Variants in GRID2 observed in about 807,000 individuals in gnomAD.
The protein encoded by GRID2 is glutamate receptor ionotropic, delta-2.
GRID2 carries 33 observed loss-of-function variants against 114.8 expected under a neutral mutation model. The ratio of observed to expected loss-of-function variants is 0.29; its 90% CI spans 0.22 to 0.38. The LOEUF (loss-of-function observed/expected upper bound fraction) is 0.38, where lower values mean the gene tolerates loss of function less well. Ranked by LOEUF, GRID2 falls within the 10% of genes least tolerant of loss-of-function variation. The pLI is 1.00. For missense variants in GRID2, 1,184 were observed against 1,257.7 expected, an observed-to-expected ratio of 0.94 and a Z score of 0.89; for synonymous variants, 505 against 449.9, an observed-to-expected ratio of 1.12 and a Z score of -1.55.
chr4:92,521,559 A>C (rs1724780287), intron 1 of GRID2, among the ~76,000 whole-genome samples: 1 of 151,996 alleles, frequency 6.6e-6, no homozygotes, highest in Admixed American at 6.6e-5. Flanking sequence ...TTATTCACAG[A>C]GAATCATTTA....
Position 93,384,143 on chromosome 4 carries a change from G to A in GRID2, c.1246-11464G>A, listed in dbSNP as rs1437847034. 3.3e-5 allele frequency among the ~76,000 whole-genome samples: 5 copies of A among 152,146 alleles called. No homozygotes were observed. In the East Asian group the frequency reaches 9.7e-4, roughly 29 times the overall value. On this transcript the variant is annotated intron_variant, in intron 8 of 15. Transcript: ENST00000282020. ...AACAGTATCCTCACATGGCCAAAGG[G>A]GAAGGCAACTTCCTTCAGTTCATTT...
chr4:92,662,946 G>A (rs1732590820), intron 2 of GRID2, among the ~76,000 whole-genome samples: 1 of 150,984 alleles, frequency 6.6e-6, no homozygotes. Context: ...TCAAAACTAA[G>A]AAGTTACTTG....
In GRID2 at chr4:93,137,977, T is replaced by G. The variant is rs959971060; in HGVS notation, c.735+27024T>G. Reference sequence around the variant, plus strand: ...AGAATTTTTTCTTCGTTTTTTTTTTTTTTTTTTTTTTTTGAGATAGGGCCT... The same window carrying G: ...AGAATTTTTTCTTCGTTTTTTTTTTGTTTTTTTTTTTTTGAGATAGGGCCT... On this transcript the variant is annotated intron_variant, in intron 4 of 15. Coordinates refer to ENST00000282020, the MANE Select transcript of GRID2 (RefSeq NM_001510.4). Among the ~76,000 whole-genome samples, 11 of 141,474 alleles carry G rather than the reference T, an allele frequency of 7.8e-5. No homozygotes were observed. The East Asian group carries it at 1.2e-3, about 16-fold the overall frequency. The allele number at this position is 141,474 out of a possible 152,430, so 92.8% of individuals were successfully genotyped here.
chr4:92,715,990 T>C (rs1411603601), intron 2 of GRID2, among the ~76,000 whole-genome samples: 1 of 152,256 alleles, frequency 6.6e-6, no homozygotes, highest in Non-Finnish European at 1.5e-5. Context: ...TGAGATGTTT[T>C]CTGTCATTAG....
chr4:93,507,320 A>C (rs1728730909), intron 12 of GRID2, among the ~76,000 whole-genome samples: 1 of 152,228 alleles, frequency 6.6e-6, no homozygotes, highest in Non-Finnish European at 1.5e-5. Flanking sequence ...GTAAGATAGG[A>C]ATGTGACTTC....
chr4:93,317,912 G>A (rs914071631), intron 8 of GRID2, among the ~76,000 whole-genome samples: 1 of 146,614 alleles, frequency 6.8e-6, no homozygotes, highest in African/African-American at 2.5e-5. Flanking sequence ...TTAAACAATT[G>A]GAAGAATGGG....
intron 2 of GRID2, among the ~76,000 whole-genome samples, chr4:93,034,269 C>T (rs748498565): frequency 7.9e-5 from 12 of 152,140 alleles, no homozygotes; most frequent in Non-Finnish European, 1.6e-4. Context: ...CAGTGGTTCT[C>T]AAATAATAGA....
At chr4:93,160,251 A>T (rs1214354940) in intron 4 of GRID2, among the ~76,000 whole-genome samples, 1 of 151,856 alleles carries the variant, frequency 6.6e-6, no homozygotes, top group Admixed American at 6.6e-5. Flanking sequence ...TTAATTCCAT[A>T]AAGCCTAAAA....
chr4:92,734,768 T>A (rs1312654659), intron 2 of GRID2, among the ~76,000 whole-genome samples: 1 of 151,714 alleles, frequency 6.6e-6, no homozygotes, highest in Admixed American at 6.6e-5. Context: ...TTTCTTTTTT[T>A]TAGTTTTTTT....
At chr4:93,315,568 G>A (rs927692373) in intron 8 of GRID2, among the ~76,000 whole-genome samples, 9 of 151,982 alleles carry the variant, frequency 5.9e-5, no homozygotes, top group African/African-American at 2.2e-4. Context: ...CTCATTTCCT[G>A]CATGAGACAC....
chr4:93,098,917 C>T (rs1381102029), intron 3 of GRID2, among the ~76,000 whole-genome samples: 3 of 151,458 alleles, frequency 2.0e-5, no homozygotes, highest in Non-Finnish European at 3.0e-5. Flanking sequence ...GCTTCATTCT[C>T]AGTCAAGTTA....
At chr4:92,573,208 TTTC>T (rs1218381823) in intron 1 of GRID2, among the ~76,000 whole-genome samples, 1 of 152,166 alleles carries the variant, frequency 6.6e-6, no homozygotes, top group Admixed American at 6.6e-5. Flanking sequence ...TTGAATATTA[TTTC>T]TTTTCTTCTT....
intron 11 of GRID2, among the ~76,000 whole-genome samples, chr4:93,486,294 A>C (rs1018126741): frequency 6.6e-5 from 10 of 151,576 alleles, no homozygotes; most frequent in African/African-American, 9.7e-5. Flanking sequence ...TATCATCACT[A>C]ATCCGTAACT....
At chr4:93,725,056 C>T (rs1729724834) in intron 14 of GRID2, among the ~76,000 whole-genome samples, 1 of 152,062 alleles carries the variant, frequency 6.6e-6, no homozygotes, top group Admixed American at 6.5e-5. Context: ...CATATGTATA[C>T]ATGTGCCATG....
At chr4:92,419,886 A>C (rs532063881) in intron 1 of GRID2, among the ~76,000 whole-genome samples, 1 of 152,220 alleles carries the variant, frequency 6.6e-6, no homozygotes, top group African/African-American at 2.4e-5. Context: ...ATTGGAAAAT[A>C]TACCTATTTT....
intron 1 of GRID2, among the ~76,000 whole-genome samples, chr4:92,447,969 C>A (rs1733558041): frequency 6.6e-6 from 1 of 152,034 alleles, no homozygotes; most frequent in South Asian, 2.1e-4. Context: ...GTGCTTTAAA[C>A]AAATAAACAA....
At chr4:92,753,290 G>A (rs777055479) in intron 2 of GRID2, among the ~76,000 whole-genome samples, 2 of 152,106 alleles carry the variant, frequency 1.3e-5, no homozygotes, top group African/African-American at 4.8e-5. Flanking sequence ...TACCACTTTG[G>A]ATGAGATTGC....
At chr4:92,426,118 C>T (rs1732146116) in intron 1 of GRID2, among the ~76,000 whole-genome samples, 1 of 152,040 alleles carries the variant, frequency 6.6e-6, no homozygotes, top group Non-Finnish European at 1.5e-5. Flanking sequence ...TCTATGGTAA[C>T]TTGTACTTCA....
rs182005960 is a variant in GRID2 at position 93,685,293 on chromosome 4, T to C, written c.2360+58858T>C. Reference sequence around the variant, plus strand: ...CCGATTTTTACTCCCTTGCTTTCACTAGCTTGTTCTTTGATCTTGGGACTT... The same window carrying C: ...CCGATTTTTACTCCCTTGCTTTCACCAGCTTGTTCTTTGATCTTGGGACTT... On this transcript the variant is annotated intron_variant, in intron 14 of 15. Coordinates refer to ENST00000282020, the MANE Select transcript of GRID2 (RefSeq NM_001510.4). Among the ~76,000 whole-genome samples the C allele has an allele frequency of 7.0e-4, 106 of 152,158 alleles. 1 individual carries two copies. Among genetic ancestry groups the C allele is most frequent in the African/African-American group, 2.5e-3 (105 of 41,534 alleles).
Sources: gnomAD v4.1 joint callset for allele counts (sites outside exome capture counted in the v4.1 genomes callset) on GRCh38, gnomAD v4.1.1 for gene constraint, MANE v1.5 for transcripts, NCBI Gene and HGNC (gene_info 2026-07-23, HGNC 2026-07-21) for gene names.